Variants in GBE1 observed in about 807,000 individuals in gnomAD.
The protein encoded by GBE1 is 1,4-alpha-glucan branching enzyme 1, also known as 1,4-alpha-glucan-branching enzyme.
In GBE1, 70 loss-of-function variants were observed where a neutral mutation model predicts 88.8. That is an observed-to-expected ratio of 0.79 (90% CI 0.65 to 0.96). GBE1 has a LOEUF of 0.96. Among genes scored for constraint, GBE1 ranks in the 40% least tolerant of loss-of-function variants. The pLI is 0.00. For missense variants in GBE1, 872 were observed against 871.0 expected, an observed-to-expected ratio of 1.00 and a Z score of -0.01; for synonymous variants, 284 against 300.1, an observed-to-expected ratio of 0.95 and a Z score of 0.56.
intron 15 of GBE1, among the ~76,000 whole-genome samples, chr3:81,492,189 A>G (rs1428449484): frequency 1.3e-5 from 2 of 152,242 alleles, no homozygotes; most frequent in Admixed American, 6.5e-5. Flanking sequence ...TGAGAAAACC[A>G]TGTATTTCAG....
At chr3:81,538,933 A>G (rs1382951794) in intron 12 of GBE1, among the ~76,000 whole-genome samples, 1 of 152,006 alleles carries the variant, frequency 6.6e-6, no homozygotes, top group Non-Finnish European at 1.5e-5. Context: ...CAATTCCTTT[A>G]GCCCTCTTCC....
chr3:81,702,660 T>C (rs1292533480), intron 2 of GBE1, among the ~76,000 whole-genome samples: 1 of 152,012 alleles, frequency 6.6e-6, no homozygotes, highest in Non-Finnish European at 1.5e-5. Context: ...ATGGAGAAAT[T>C]TGAAATTATG....
In GBE1 at chr3:81,592,109, A is replaced by C. The variant is rs115708215; in HGVS notation, c.1109-945T>G. Among the ~76,000 whole-genome samples, 894 of 152,242 alleles carry C rather than the reference A, an allele frequency of 5.9e-3. 6 individuals are homozygous for C. Among genetic ancestry groups the C allele is most frequent in the African/African-American group, 0.017 (706 of 41,558 alleles). ...TGATTACTATACTCAAATTGACACA[A>C]CTGTCACCACCCATAGTTACCACAT... On this transcript the variant is annotated intron_variant, in intron 8 of 15. Coordinates refer to ENST00000429644, the MANE Select transcript of GBE1 (RefSeq NM_000158.4).
Position 81,699,027 on chromosome 3 carries a change from C to A in GBE1, c.313+6417G>T, listed in dbSNP as rs191820373. Among the ~76,000 whole-genome samples, 44 of 151,430 alleles carry A rather than the reference C, an allele frequency of 2.9e-4. No individual in the cohort carries two copies. The East Asian group carries it at 5.2e-3, about 18-fold the overall frequency. ...TTCACATACGTCAAAGAGGTCACTT[C>A]TCAGCATAGGTACTGGTTTGGTTAA... On this transcript the variant is annotated intron_variant, in intron 2 of 15. Coordinates refer to ENST00000429644, the MANE Select transcript of GBE1 (RefSeq NM_000158.4).
Position 81,490,303 on chromosome 3 carries a change from A to T in GBE1, c.*104T>A. 1.0e-6 allele frequency: 1 copy of T among 964,326 alleles called. No individual in the cohort carries two copies. The allele number at this position is 964,326 out of a possible 1,614,324, so 59.7% of individuals were successfully genotyped here. On this transcript the variant is annotated 3_prime_UTR_variant, in exon 16 of 16. Coordinates refer to ENST00000429644, the MANE Select transcript of GBE1 (RefSeq NM_000158.4). ...ATTTCAGACACTTGATGGCTTGGCT[A>T]GACAACTGTATTCTGAAAAGCATAC...
chr3:81,518,390 C>T (rs973562762), intron 14 of GBE1, among the ~76,000 whole-genome samples: 6 of 151,436 alleles, frequency 4.0e-5, no homozygotes, highest in Non-Finnish European at 7.4e-5. Flanking sequence ...TAAATACATT[C>T]GTGTGCAGTA....
intron 7 of GBE1, among the ~76,000 whole-genome samples, chr3:81,637,845 T>A (rs1704612267): frequency 6.6e-6 from 1 of 152,126 alleles, no homozygotes; most frequent in African/African-American, 2.4e-5. Context: ...GGTCATGATG[T>A]AATATCATAT....
chr3:81,705,351 G>T, intron 2 of GBE1, 93 bp downstream of exon 2: 1 of 941,426 alleles, frequency 1.1e-6, no homozygotes, highest in Non-Finnish European at 1.5e-6. Context: ...AATCATTAAA[G>T]TTCATATGGT....
rs117011785 is a variant in GBE1 at position 81,753,909 on chromosome 3, G to A, written c.143+7466C>T. Reference sequence around the variant, plus strand: ...AGAAAAAAGTACCCCATTCCACTGTGATATAAAACTTCTGCGCTGTGGGAA... The same window carrying A: ...AGAAAAAAGTACCCCATTCCACTGTAATATAAAACTTCTGCGCTGTGGGAA... On this transcript the variant is annotated intron_variant, in intron 1 of 15. Transcript: ENST00000429644. Among the ~76,000 whole-genome samples, 3 of 152,262 alleles carry A rather than the reference G, an allele frequency of 2.0e-5. No homozygotes were observed. In the East Asian group the frequency reaches 5.8e-4, roughly 29 times the overall value.
intron 7 of GBE1, among the ~76,000 whole-genome samples, chr3:81,595,390 T>C (rs1703943871): frequency 6.6e-6 from 1 of 151,886 alleles, no homozygotes; most frequent in South Asian, 2.1e-4. Context: ...AGTTTTCTTA[T>C]AATTAATAAA....
intron 7 of GBE1, among the ~76,000 whole-genome samples, chr3:81,633,003 T>G: frequency 6.6e-6 from 1 of 152,192 alleles, no homozygotes. Context: ...TCACAGTTGG[T>G]CAGTTCCACA....
rs1042101325 is a variant in GBE1 at position 81,502,976 on chromosome 3, C to T, written c.1935-3749G>A. On this transcript the variant is annotated intron_variant, in intron 14 of 15. Coordinates refer to ENST00000429644, the MANE Select transcript of GBE1 (RefSeq NM_000158.4). ...TCATCTGTTATCCATAGCTACCTCC[C>T]TATGCCTAGCAGAGGACCTTCTCCT... is the stretch of plus-strand genomic sequence containing the variant. 3.9e-5 allele frequency among the ~76,000 whole-genome samples: 6 copies of T among 152,216 alleles called. No homozygotes were observed. In the East Asian group the frequency reaches 9.6e-4, roughly 24 times the overall value.
rs1706382593 is a variant in GBE1, at chr3:81,743,685, G to A, written c.143+17690C>T. The A allele has an allele frequency of 2.7e-6, 3 of 1,113,576 alleles. No individual in the cohort carries two copies. In the Admixed American group the frequency reaches 8.3e-5, roughly 31 times the overall value. 69.0% of individuals were successfully genotyped at this position (1,113,576 alleles called of 1,614,324 possible). On this transcript the variant is annotated intron_variant, in intron 1 of 15. Coordinates refer to ENST00000429644, the MANE Select transcript of GBE1 (RefSeq NM_000158.4). Reference sequence around the variant, plus strand: ...AGCAGACAGCAGTCACCTGATCTCAGTCATTTTATCAAGAAAGACCAGATT... The same window carrying A: ...AGCAGACAGCAGTCACCTGATCTCAATCATTTTATCAAGAAAGACCAGATT...
intron 7 of GBE1, among the ~76,000 whole-genome samples, chr3:81,637,509 GTA>G (rs1374520954): frequency 6.6e-6 from 1 of 152,066 alleles, no homozygotes; most frequent in Non-Finnish European, 1.5e-5. Flanking sequence ...ATGCAGCATA[GTA>G]TATGTGTATC....
intron 2 of GBE1, among the ~76,000 whole-genome samples, chr3:81,685,961 G>T (rs1194521516): frequency 2.0e-5 from 3 of 152,138 alleles, no homozygotes; most frequent in South Asian, 2.1e-4. Context: ...GGTCACCACA[G>T]ACTTGAAAAT....
intron 7 of GBE1, among the ~76,000 whole-genome samples, chr3:81,617,935 G>A (rs978286480): frequency 9.2e-5 from 14 of 151,968 alleles, no homozygotes; most frequent in African/African-American, 3.4e-4. Flanking sequence ...GATTTGGTAA[G>A]TTGTGGTAGC....
intron 9 of GBE1, among the ~76,000 whole-genome samples, chr3:81,587,454 G>A (rs1703816968): frequency 2.0e-5 from 3 of 151,992 alleles, no homozygotes; most frequent in South Asian, 4.2e-4. Flanking sequence ...ACTAACTGCT[G>A]CCAAATTCAT....
chr3:81,712,023 T>C (rs543830817), intron 1 of GBE1, among the ~76,000 whole-genome samples: 1 of 152,304 alleles, frequency 6.6e-6, no homozygotes, highest in East Asian at 1.9e-4. Flanking sequence ...AAAGAAGACA[T>C]TTATGCAGCC....
intron 1 of GBE1, among the ~76,000 whole-genome samples, chr3:81,757,277 AC>A (rs1706615972): frequency 6.6e-6 from 1 of 152,172 alleles, no homozygotes; most frequent in Non-Finnish European, 1.5e-5. Context: ...GTCAACAGGG[AC>A]CAGATAATGC....
Sources: gnomAD v4.1 joint callset for allele counts (sites outside exome capture counted in the v4.1 genomes callset) on GRCh38, gnomAD v4.1.1 for gene constraint, MANE v1.5 for transcripts, NCBI Gene and HGNC (gene_info 2026-07-23, HGNC 2026-07-21) for gene names.